Variants in TMEM229B observed in about 807,000 individuals in gnomAD.
The protein encoded by TMEM229B is chromosome 14 open reading frame 83.
A neutral mutation model predicts 13.7 loss-of-function variants in TMEM229B; 6 were observed. The ratio of observed to expected loss-of-function variants is 0.44; its 90% CI spans 0.24 to 0.86. TMEM229B has a LOEUF of 0.86. TMEM229B is among the 40% of genes least tolerant of loss of function. TMEM229B has a pLI of 0.23. For missense variants in TMEM229B, 170 were observed against 236.0 expected (o/e 0.72, Z 1.83); for synonymous variants, 107 against 102.1 (o/e 1.05, Z -0.29).
chr14:67,492,987 G>A (rs540084375), upstream of TMEM229B, among the ~76,000 whole-genome samples: 3 of 152,300 alleles, frequency 2.0e-5, no homozygotes, highest in African/African-American at 7.2e-5. Context: ...AAAGAAACCC[G>A]ATGCTGGAAG....
At chr14:67,516,404 G>T (rs879306038), upstream of TMEM229B, among the ~76,000 whole-genome samples, 4 of 152,128 alleles carry the variant, frequency 2.6e-5, no homozygotes, top group Non-Finnish European at 5.9e-5. Flanking sequence ...GGAGAGGGGG[G>T]GAAATGAGGA....
chr14:67,511,508 G>A (rs892402981), intron 1 of TMEM229B, among the ~76,000 whole-genome samples: 17 of 152,010 alleles, frequency 1.1e-4, no homozygotes, highest in African/African-American at 2.9e-4. Context: ...CGAGAATCCC[G>A]AAAAAAATAT....
intron 1 of TMEM229B, among the ~76,000 whole-genome samples, chr14:67,508,152 G>C (rs1296483007): frequency 8.6e-6 from 1 of 115,678 alleles, no homozygotes; most frequent in Non-Finnish European, 1.9e-5. Context: ...AAAAAAAAGA[G>C]CAATGACTGG....
intron 1 of TMEM229B, among the ~76,000 whole-genome samples, chr14:67,527,702 A>C (rs2140281428): frequency 6.6e-6 from 1 of 152,318 alleles, no homozygotes; most frequent in Non-Finnish European, 1.5e-5. Flanking sequence ...ACCCTGGTGA[A>C]GTGTCCATTA....
upstream of TMEM229B, among the ~76,000 whole-genome samples, chr14:67,493,134 A>C (rs762369585): frequency 2.0e-5 from 3 of 152,236 alleles, no homozygotes; most frequent in Non-Finnish European, 4.4e-5. Context: ...GGAGAAAGTT[A>C]GACAAGTTTG....
intron 1 of TMEM229B, among the ~76,000 whole-genome samples, chr14:67,524,242 C>A (rs1049942863): frequency 1.3e-5 from 2 of 152,138 alleles, no homozygotes; most frequent in East Asian, 1.9e-4. Context: ...TGCATGCCAC[C>A]AAACCTGGCT....
At chr14:67,504,164 C>T (rs752264792) in intron 1 of TMEM229B, among the ~76,000 whole-genome samples, 2 of 152,262 alleles carry the variant, frequency 1.3e-5, no homozygotes, top group East Asian at 3.9e-4. Context: ...CAGGCGCCCA[C>T]CACCATGCCC....
rs566204339 is a variant in TMEM229B, at chr14:67,511,018, C to T, written c.-192+4068G>A. On this transcript the variant is annotated intron_variant, in intron 1 of 2. Coordinates refer to the TMEM229B transcript ENST00000357461. ...CCTCTCTTTGTGGCCCTTCAATCTCCTTGGCTGGCATCCCTAGCTCCTCAG... is the reference window on the plus strand; with the variant it reads ...CCTCTCTTTGTGGCCCTTCAATCTCTTTGGCTGGCATCCCTAGCTCCTCAG... 2.0e-5 allele frequency among the ~76,000 whole-genome samples: 3 copies of T among 152,272 alleles called. No individual in the cohort carries two copies. The South Asian group carries it at 6.2e-4, about 32-fold the overall frequency.
upstream of TMEM229B, among the ~76,000 whole-genome samples, chr14:67,492,425 G>C (rs548115928): frequency 6.6e-6 from 1 of 152,316 alleles, no homozygotes; most frequent in African/African-American, 2.4e-5. Context: ...AGACCAGCAA[G>C]CCTTCTCCTG....
chr14:67,527,289 C>T (rs1007437658), intron 1 of TMEM229B, among the ~76,000 whole-genome samples: 8 of 152,134 alleles, frequency 5.3e-5, no homozygotes, highest in African/African-American at 1.7e-4. Context: ...GTCTATGCAT[C>T]TATAAAATGG....
intron 2 of TMEM229B, among the ~76,000 whole-genome samples, chr14:67,484,695 G>A (rs1014388765): frequency 2.0e-5 from 3 of 152,064 alleles, no homozygotes; most frequent in East Asian, 3.9e-4. Flanking sequence ...AGGCTGAGGC[G>A]GGAGGACTGC....
intron 1 of TMEM229B, among the ~76,000 whole-genome samples, chr14:67,511,142 C>T (rs2033010968): frequency 6.6e-6 from 1 of 152,052 alleles, no homozygotes; most frequent in Non-Finnish European, 1.5e-5. Context: ...CTCTTAATAA[C>T]TGAAAGGAAA....
At chr14:67,518,177 C>G (rs928264172), upstream of TMEM229B, among the ~76,000 whole-genome samples, 1 of 152,162 alleles carries the variant, frequency 6.6e-6, no homozygotes, top group Non-Finnish European at 1.5e-5. Context: ...CCAAAGGATA[C>G]CAGCCCCTGC....
At chr14:67,504,289 C>T (rs2032733768) in intron 1 of TMEM229B, among the ~76,000 whole-genome samples, 1 of 152,202 alleles carries the variant, frequency 6.6e-6, no homozygotes, top group Admixed American at 6.5e-5. Context: ...GCTGGGGTTG[C>T]AGGCGTGAGC....
intron 2 of TMEM229B, among the ~76,000 whole-genome samples, chr14:67,481,782 C>T (rs2145466): frequency 0.21 from 31,415 of 152,064 alleles, 4,219 homozygotes; most frequent in African/African-American, 0.36. Flanking sequence ...GCTCCTTCCA[C>T]TAGCTCCTTG....
chr14:67,516,362 G>A (rs1277862318), upstream of TMEM229B, among the ~76,000 whole-genome samples: 1 of 151,508 alleles, frequency 6.6e-6, no homozygotes, highest in Non-Finnish European at 1.5e-5. Flanking sequence ...GGCCTGATCT[G>A]AGGGGTCTAA....
intron 1 of TMEM229B, among the ~76,000 whole-genome samples, chr14:67,530,909 C>T (rs1007275208): frequency 6.6e-6 from 1 of 152,180 alleles, no homozygotes; most frequent in African/African-American, 2.4e-5. Context: ...GAATGGCCTC[C>T]TCTCACCTCT....
chr14:67,531,023 C>CA (rs1376258472), intron 1 of TMEM229B, among the ~76,000 whole-genome samples: 1 of 152,214 alleles, frequency 6.6e-6, no homozygotes, highest in Non-Finnish European at 1.5e-5. Flanking sequence ...AATGCCCTAG[C>CA]ATATCCTTCA....
intron 1 of TMEM229B, among the ~76,000 whole-genome samples, chr14:67,501,674 T>C (rs1359077543): frequency 6.6e-6 from 1 of 152,234 alleles, no homozygotes. Flanking sequence ...CCCAAAGACC[T>C]GTCCTGCTCC....
Sources: allele counts gnomAD v4.1 joint callset (sites outside exome capture counted in the v4.1 genomes callset), GRCh38; gene constraint gnomAD v4.1.1; transcripts MANE v1.5; gene names NCBI Gene and HGNC (gene_info 2026-07-23, HGNC 2026-07-21).